Variants in CHD9NB observed in about 807,000 individuals in gnomAD.
The protein encoded by CHD9NB is CHD9 neighbor protein.
chr16:53,050,989 G>A, the CHD9NB span, among the ~76,000 whole-genome samples: 9 of 151,918 alleles, frequency 5.9e-5, no homozygotes, highest in South Asian at 1.5e-3. Context: ...TCGGGTTCAC[G>A]CCATTCTCCT....
chr16:53,039,604 G>T, the CHD9NB span, among the ~76,000 whole-genome samples: 5 of 152,104 alleles, frequency 3.3e-5, no homozygotes, highest in Admixed American at 2.6e-4. Flanking sequence ...AATTAGCTGG[G>T]CGTGGTGGTG....
the CHD9NB span, among the ~76,000 whole-genome samples, chr16:53,047,485 C>T: frequency 6.6e-6 from 1 of 152,164 alleles, no homozygotes; most frequent in Non-Finnish European, 1.5e-5. Context: ...GGGCTCCCTT[C>T]CTGGCTTGTA....
chr16:53,044,192 A>T, the CHD9NB span: 2 of 398,478 alleles, frequency 5.0e-6, no homozygotes, highest in Admixed American at 8.8e-5. Flanking sequence ...GTGCCCTTGG[A>T]TGTTCCAGGA....
chr16:53,044,183 T>G, the CHD9NB span: 11 of 398,576 alleles, frequency 2.8e-5, no homozygotes, highest in East Asian at 3.9e-4. Context: ...GAGGATCCAG[T>G]GCCCTTGGAT....
the CHD9NB span, among the ~76,000 whole-genome samples, chr16:53,042,037 G>A: frequency 1.3e-5 from 2 of 152,100 alleles, no homozygotes; most frequent in Non-Finnish European, 2.9e-5. Flanking sequence ...TGCTTTTTGT[G>A]CCTCCTTCCT....
the CHD9NB span, among the ~76,000 whole-genome samples, chr16:53,037,452 G>A: frequency 1.3e-5 from 2 of 152,144 alleles, no homozygotes; most frequent in Non-Finnish European, 2.9e-5. Flanking sequence ...GAAAACTCAT[G>A]GGATAGCCCA....
chr16:53,037,535 T>G, the CHD9NB span, among the ~76,000 whole-genome samples: 2 of 152,192 alleles, frequency 1.3e-5, no homozygotes, highest in Admixed American at 1.3e-4. Flanking sequence ...GTGTGGAAGG[T>G]CCTAGTGGGC....
chr16:53,050,946 C>T, the CHD9NB span, among the ~76,000 whole-genome samples: 2 of 151,260 alleles, frequency 1.3e-5, no homozygotes, highest in Admixed American at 1.3e-4. Context: ...GGAGTGCAGT[C>T]GTGCGATCTT....
At chr16:53,040,952 GA>G in the CHD9NB span, among the ~76,000 whole-genome samples, 2 of 152,154 alleles carry the variant, frequency 1.3e-5, no homozygotes, top group African/African-American at 2.4e-5. Flanking sequence ...TGGACAGATG[GA>G]AAGAAAGATG....
chr16:53,042,493 C>T, the CHD9NB span, among the ~76,000 whole-genome samples: 1 of 149,392 alleles, frequency 6.7e-6, no homozygotes, highest in Non-Finnish European at 1.5e-5. Context: ...TTTCCTCTTT[C>T]TCTCCCTTCC....
chr16:53,045,464 T>C, the CHD9NB span, among the ~76,000 whole-genome samples: 168 of 152,344 alleles, frequency 1.1e-3, 1 homozygote, highest in Middle Eastern at 0.027. Flanking sequence ...TTTGGAACTC[T>C]TGTGCTCTAT....
chr16:53,043,300 A>G, the CHD9NB span: 2 of 152,206 alleles, frequency 1.3e-5, no homozygotes, highest in African/African-American at 2.4e-5. Context: ...GAATGTTAGC[A>G]GAGGGACCTT....
chr16:53,041,289 C>T, the CHD9NB span, among the ~76,000 whole-genome samples: 1 of 152,330 alleles, frequency 6.6e-6, no homozygotes, highest in South Asian at 2.1e-4. Context: ...TTTTACCAGG[C>T]ACTTTAGAAA....
chr16:53,044,066 G>A, the CHD9NB span: 4 of 398,784 alleles, frequency 1.0e-5, no homozygotes, highest in East Asian at 3.6e-5. Flanking sequence ...CCTGGGTGCC[G>A]GTCTCCAGAC....
At chr16:53,041,434 C>T in the CHD9NB span, among the ~76,000 whole-genome samples, 1 of 152,218 alleles carries the variant, frequency 6.6e-6, no homozygotes, top group Admixed American at 6.5e-5. Context: ...CCTGCCACAG[C>T]TGGAGGTAGA....
the CHD9NB span, among the ~76,000 whole-genome samples, chr16:53,041,197 C>G: frequency 6.6e-6 from 1 of 152,250 alleles, no homozygotes; most frequent in Non-Finnish European, 1.5e-5. Flanking sequence ...CTCTCCTCTT[C>G]CAGCAGTTTG....
the CHD9NB span, among the ~76,000 whole-genome samples, chr16:53,049,267 T>C: frequency 4.8e-3 from 733 of 152,170 alleles, 9 homozygotes; most frequent in African/African-American, 0.017. Context: ...GCCATCCTCC[T>C]GCCTCAGCCT....
At chr16:53,048,056 G>A in the CHD9NB span, among the ~76,000 whole-genome samples, 2 of 136,904 alleles carry the variant, frequency 1.5e-5, no homozygotes, top group African/African-American at 2.6e-5. Flanking sequence ...GGGAGGGAGG[G>A]AGGAAAGGAA....
At chr16:53,036,534 C>A in the CHD9NB span, among the ~76,000 whole-genome samples, 1 of 152,116 alleles carries the variant, frequency 6.6e-6, no homozygotes, top group Non-Finnish European at 1.5e-5. Flanking sequence ...ATGCAGGCAC[C>A]TTATCTACTG....
Sources: allele counts gnomAD v4.1 joint callset (sites outside exome capture counted in the v4.1 genomes callset), GRCh38; gene constraint gnomAD v4.1.1; transcripts MANE v1.5; gene names NCBI Gene and HGNC (gene_info 2026-07-23, HGNC 2026-07-21).